PATJ: variants seen among roughly 807,000 people sequenced by gnomAD.
PATJ encodes the protein PATJ crumbs cell polarity complex component.
PATJ carries 190 observed loss-of-function variants against 224.9 expected under a neutral mutation model. The observed-to-expected ratio is 0.84, with a 90% confidence interval of 0.75 to 0.95. The LOEUF (loss-of-function observed/expected upper bound fraction) is 0.95. PATJ is among the 40% of genes least tolerant of loss of function. The pLI is 0.00. For missense variants in PATJ, 2,121 were observed against 2,270.3 expected (o/e 0.93, Z 1.34); for synonymous variants, 769 against 820.3 (o/e 0.94, Z 1.07).
chr1:61,762,964 A>G, intron 2 of PATJ, 49 bp from the exon 3 acceptor site: 2 of 1,521,264 alleles, frequency 1.3e-6, no homozygotes, highest in South Asian at 1.2e-5. Context: ...TAAAAATGGA[A>G]TCTCAAATGG....
At chr1:61,906,969 T>C (rs1671943210) in intron 24 of PATJ, among the ~76,000 whole-genome samples, 1 of 152,122 alleles carries the variant, frequency 6.6e-6, no homozygotes, top group African/African-American at 2.4e-5. Context: ...AGGGACCCAG[T>C]GGGAGGTAAT....
At chr1:61,753,960 C>T (rs990152365) in intron 1 of PATJ, among the ~76,000 whole-genome samples, 10 of 152,066 alleles carry the variant, frequency 6.6e-5, no homozygotes, top group Admixed American at 6.6e-5. Flanking sequence ...TTGGCCTAGG[C>T]CTTGGGTTTT....
At chr1:61,898,405 ATT>A (rs34243564) in intron 22 of PATJ, among the ~76,000 whole-genome samples, 48 of 144,632 alleles carry the variant, frequency 3.3e-4, no homozygotes, top group East Asian at 2.0e-3. Flanking sequence ...TGCCCAGCTA[ATT>A]TTTTTTTTTT....
chr1:61,846,838 A>T (rs569611574), intron 17 of PATJ, among the ~76,000 whole-genome samples: 1 of 152,128 alleles, frequency 6.6e-6, no homozygotes, highest in African/African-American at 2.4e-5. Context: ...GTCTCAAGTG[A>T]TCTGCCCGCC....
In PATJ at chr1:62,069,607, T is replaced by A. The variant is rs552075447; in HGVS notation, c.4126-9843T>A. 2.0e-4 allele frequency among the ~76,000 whole-genome samples: 31 copies of A among 152,322 alleles called. No individual in the cohort carries two copies. The Middle Eastern group carries it at 0.014, about 67-fold the overall frequency. ...GCTTTTCAGAAATCCAGTTTTCTCA[T>A]CTATTCCTTCTACATTTTTGAGGAC... On this transcript the variant is annotated intron_variant, in intron 31 of 43. Transcript: ENST00000642238.
At chr1:62,006,089 T>C (rs1646075391) in intron 28 of PATJ, among the ~76,000 whole-genome samples, 1 of 150,750 alleles carries the variant, frequency 6.6e-6, no homozygotes, top group Non-Finnish European at 1.5e-5. Flanking sequence ...TCAGTATACA[T>C]TTCTTTTCTT....
chr1:62,150,702 A>G (rs946048521), intron 42 of PATJ, among the ~76,000 whole-genome samples: 4 of 145,150 alleles, frequency 2.8e-5, no homozygotes, highest in Non-Finnish European at 6.2e-5. Context: ...AAAAAAAAAA[A>G]AGAATTGGAA....
intron 3 of PATJ, among the ~76,000 whole-genome samples, chr1:61,765,065 C>CTTTTTTT (rs1491546787): frequency 8.8e-4 from 15 of 17,010 alleles, no homozygotes; most frequent in Admixed American, 2.6e-3. Flanking sequence ...TATTGACATT[C>CTTTTTTT]ATTTTTTTTT....
intron 31 of PATJ, among the ~76,000 whole-genome samples, chr1:62,078,198 G>A (rs1041242125): frequency 2.0e-5 from 3 of 152,234 alleles, no homozygotes; most frequent in African/African-American, 7.2e-5. Context: ...GATCCAGAAG[G>A]CAGGTCAGGT....
chr1:61,906,226 T>G (rs985538301), intron 24 of PATJ, among the ~76,000 whole-genome samples: 2 of 152,184 alleles, frequency 1.3e-5, no homozygotes, highest in African/African-American at 4.8e-5. Context: ...ACTCTGGGTA[T>G]ACCACCTGCT....
rs189856744 is a variant in PATJ, at chr1:62,070,596, A to G, written c.4126-8854A>G. On this transcript the variant is annotated intron_variant, in intron 31 of 43. Transcript: ENST00000642238. ...TAAAATTCATTGGTTCATCTTGTGG[A>G]AGGGGCACCACCCAGGGGCTAAGGG... Among the ~76,000 whole-genome samples, 81 of 152,350 alleles carry G rather than the reference A, an allele frequency of 5.3e-4. 1 individual carries two copies. The highest frequency in any genetic ancestry group is 5.0e-3 in the Admixed American group (76 of 15,300).
rs377372844 is a variant in PATJ, at chr1:61,790,515, G to GTTT, written c.1069-823_1069-821dup. On this transcript the variant is annotated intron_variant, in intron 8 of 43. Transcript: ENST00000642238. ...TCTTCTTTTTCTTCTTCTTTTTTTTGTTTTTTTTTTTTGTTTGAGACAGAG... is the reference window on the plus strand; with the variant it reads ...TCTTCTTTTTCTTCTTCTTTTTTTTGTTTTTTTTTTTTTTTGTTTGAGACAGAG... Among the ~76,000 whole-genome samples, 1,109 of 128,956 alleles carry GTTT rather than the reference G, an allele frequency of 8.6e-3. 56 individuals are homozygous for GTTT. The highest frequency in any genetic ancestry group is 0.015 in the East Asian group (66 of 4,340). The allele number at this position is 128,956 out of a possible 152,430, so 84.6% of individuals were successfully genotyped here.
intron 27 of PATJ, among the ~76,000 whole-genome samples, chr1:61,948,994 C>G (rs982555487): frequency 6.8e-6 from 1 of 146,180 alleles, no homozygotes; most frequent in Admixed American, 7.2e-5. Context: ...TGTTCTCACT[C>G]GTAGGTGGGA....
intron 17 of PATJ, among the ~76,000 whole-genome samples, chr1:61,852,763 G>T (rs955246509): frequency 2.0e-5 from 3 of 152,128 alleles, no homozygotes; most frequent in Admixed American, 6.6e-5. Context: ...TGGTGTTTGA[G>T]CATTTTTATG....
chr1:62,062,809 C>G (rs57342826), intron 31 of PATJ, among the ~76,000 whole-genome samples: 1 of 152,088 alleles, frequency 6.6e-6, no homozygotes, highest in East Asian at 1.9e-4. Flanking sequence ...GTCTTCTTTC[C>G]AGAAGAGTGT....
rs115415972 is a variant in PATJ at position 62,098,862 on chromosome 1, A to G, written c.4378-9575A>G. Among the ~76,000 whole-genome samples, 557 of 152,286 alleles carry G rather than the reference A, an allele frequency of 3.7e-3. 1 individual carries two copies. The highest frequency in any genetic ancestry group is 5.8e-3 in the Non-Finnish European group (395 of 68,014). On this transcript the variant is annotated intron_variant, in intron 33 of 43. Transcript: ENST00000642238. ...ATGGAAAAGAATCGTGTTCTAAAAC[A>G]TTCAAATTTTTTTTATTTTTTTTAA...
intron 27 of PATJ, among the ~76,000 whole-genome samples, chr1:61,982,879 A>C (rs1644527416): frequency 6.6e-6 from 1 of 151,976 alleles, no homozygotes; most frequent in South Asian, 2.1e-4. Flanking sequence ...TTGGTGCAAA[A>C]GTCATTATGG....
chr1:61,779,852 G>A (rs914419271), intron 7 of PATJ, among the ~76,000 whole-genome samples: 1 of 152,196 alleles, frequency 6.6e-6, no homozygotes, highest in Non-Finnish European at 1.5e-5. Context: ...TTCCATGGTG[G>A]AAGGTGAAGG....
At chr1:62,109,014 CT>C (rs781063488) in intron 34 of PATJ, among the ~76,000 whole-genome samples, 2 of 152,208 alleles carry the variant, frequency 1.3e-5, no homozygotes, top group African/African-American at 4.8e-5. Flanking sequence ...AATCTTCCCC[CT>C]ATGATGCTTA....
Sources: gnomAD v4.1 joint callset for allele counts (sites outside exome capture counted in the v4.1 genomes callset) on GRCh38, gnomAD v4.1.1 for gene constraint, MANE v1.5 for transcripts, NCBI Gene and HGNC (gene_info 2026-07-23, HGNC 2026-07-21) for gene names.